The following DAB2IP variants were observed in gnomAD, a reference collection of about 807,000 sequenced individuals.
DAB2IP encodes DAB2 interacting protein, also known as disabled homolog 2-interacting protein.
Under a neutral mutation model 107.2 loss-of-function variants are expected in DAB2IP, and 28 were observed. The ratio of observed to expected loss-of-function variants is 0.26; its 90% CI spans 0.19 to 0.36. The LOEUF is 0.36. DAB2IP is among the 10% of genes least tolerant of loss of function. The probability of loss-of-function intolerance (pLI) is 1.00; values close to 1 mark genes in which losing one functional copy is unlikely to be tolerated. For synonymous variants in DAB2IP, 755 were observed against 706.4 expected (o/e 1.07, Z -1.09); for missense variants, 1,400 against 1,644.7 (o/e 0.85, Z 2.57).
chr9:121,635,907 G>T lies in DAB2IP; in HGVS notation c.41-42771G>T, dbSNP rs1426531615. ...AGTCCCCTGTTTAGATGTCTTTTTT[G>T]GGGGGGGGTCTGGGGGATGGAGTCT... is the stretch of plus-strand genomic sequence containing the variant. On this transcript the variant is annotated intron_variant, in intron 1 of 16. Coordinates refer to the DAB2IP transcript ENST00000259371. The surrounding 1 kb of genome is among the most constrained non-coding windows in gnomAD (Gnocchi z 4.3). Among the ~76,000 whole-genome samples, 30 of 58,516 alleles carry T rather than the reference G, an allele frequency of 5.1e-4. No individual in the cohort carries two copies. The highest frequency in any genetic ancestry group is 7.4e-3 in the Middle Eastern group (1 of 136). The allele number at this position is 58,516 out of a possible 152,430, so 38.4% of individuals were successfully genotyped here.
intron 1 of DAB2IP, among the ~76,000 whole-genome samples, chr9:121,581,943 G>A (rs751109251): frequency 5.9e-5 from 9 of 152,340 alleles, no homozygotes; most frequent in East Asian, 1.9e-4. Flanking sequence ...GCTAGGAAAC[G>A]CCACCAGCAG....
chr9:121,771,090 TC>T (rs1834690817), intron 11 of DAB2IP, among the ~76,000 whole-genome samples: 1 of 152,182 alleles, frequency 6.6e-6, no homozygotes, highest in African/African-American at 2.4e-5. Context: ...ATACACATGT[TC>T]CTGGTATTTC....
chr9:121,762,785 G>A (rs577259619), intron 6 of DAB2IP, among the ~76,000 whole-genome samples: 1 of 152,268 alleles, frequency 6.6e-6, no homozygotes, highest in East Asian at 1.9e-4. Flanking sequence ...TCTGAGGGAG[G>A]GTGTTAGTAT....
At chr9:121,766,780 C>G in intron 9 of DAB2IP, 50 bp downstream of exon 9, 1 of 1,584,344 alleles carries the variant, frequency 6.3e-7, no homozygotes, top group African/African-American at 1.3e-5. Context: ...CTGGTGTCCA[C>G]AGGGCAGGCC....
intron 2 of DAB2IP, among the ~76,000 whole-genome samples, chr9:121,688,850 G>C (rs573180270): frequency 6.6e-6 from 1 of 152,160 alleles, no homozygotes; most frequent in Admixed American, 6.5e-5. Flanking sequence ...AGGGAAGAGG[G>C]TGAGCCGTGA....
At chr9:121,650,923 C>T (rs189529581), upstream of DAB2IP, among the ~76,000 whole-genome samples, 3 of 152,120 alleles carry the variant, frequency 2.0e-5, no homozygotes, top group Non-Finnish European at 4.4e-5. Flanking sequence ...GATGTTTAGA[C>T]GTATTGCCAT....
At chr9:121,583,506 C>T (rs1188913253) in intron 1 of DAB2IP, among the ~76,000 whole-genome samples, 1 of 152,208 alleles carries the variant, frequency 6.6e-6, no homozygotes, top group African/African-American at 2.4e-5. Context: ...ACAGACTGCA[C>T]ACCCTGAGCA....
At chr9:121,781,680 C>A in intron 15 of DAB2IP, 129 bp downstream of exon 15, 1 of 915,496 alleles carries the variant, frequency 1.1e-6, no homozygotes, top group Non-Finnish European at 1.7e-6. Context: ...CAGAATCTGC[C>A]CTGAGAAGTC....
Position 121,754,112 on chromosome 9 carries a change from C to A in DAB2IP, c.363-2901C>A, listed in dbSNP as rs150906483. On this transcript the variant is annotated intron_variant, in intron 3 of 15. Coordinates refer to ENST00000408936, the Ensembl canonical transcript of DAB2IP. ...GCTTCCCAGAGAGGTGGTTCTTGGG[C>A]CTTGAATTGGTCCTGCTGGGTTCAG... 2.0e-5 allele frequency among the ~76,000 whole-genome samples: 3 copies of A among 152,288 alleles called. No individual in the cohort carries two copies. The East Asian group carries it at 5.8e-4, about 29-fold the overall frequency.
intron 3 of DAB2IP, among the ~76,000 whole-genome samples, chr9:121,710,628 A>G (rs1192094198): frequency 6.6e-6 from 1 of 152,158 alleles, no homozygotes; most frequent in East Asian, 1.9e-4. Flanking sequence ...GGCTAGGCTA[A>G]GTGGCCTTCC....
chr9:121,673,689 G>A (rs949903458), intron 1 of DAB2IP, among the ~76,000 whole-genome samples: 10 of 152,170 alleles, frequency 6.6e-5, no homozygotes, highest in African/African-American at 1.2e-4. Flanking sequence ...AGAACCCAGC[G>A]ATCCATGTCT....
At chr9:121,676,632 G>GACACACACACACACACAC (rs1297632685) in intron 1 of DAB2IP, among the ~76,000 whole-genome samples, 3 of 88,436 alleles carry the variant, frequency 3.4e-5, no homozygotes, top group African/African-American at 5.1e-5. Flanking sequence ...GAGTTCTGCA[G>GACACACACACACACACAC]ACGCACACAC....
At position 121,599,090 on chromosome 9, in the gene DAB2IP, C is replaced by A; in HGVS notation, c.40+31862C>A. Among the ~76,000 whole-genome samples the A allele has an allele frequency of 6.6e-6, 1 of 152,190 alleles. No homozygotes were observed. The highest frequency in any genetic ancestry group is 1.9e-4 in the East Asian group (1 of 5,166). On this transcript the variant is annotated intron_variant, in intron 1 of 16. Coordinates refer to the DAB2IP transcript ENST00000259371. The surrounding 1 kb of genome is among the most constrained non-coding windows in gnomAD (Gnocchi z 6.9). ...CGGCTCCTGAGGTTGGAGATCCACG[C>A]AGGGCGCACATAAAAGTTTAAGGGG...
At chr9:121,730,202 T>C (rs969695429) in intron 3 of DAB2IP, among the ~76,000 whole-genome samples, 16 of 152,218 alleles carry the variant, frequency 1.1e-4, no homozygotes, top group African/African-American at 2.9e-4. Context: ...ACAGTAAGCC[T>C]GAAGAACTGT....
At chr9:121,694,705 A>G (rs1159763737) in intron 2 of DAB2IP, among the ~76,000 whole-genome samples, 1 of 151,992 alleles carries the variant, frequency 6.6e-6, no homozygotes, top group Non-Finnish European at 1.5e-5. Context: ...GCTCAGTGAT[A>G]TGATGGAAGC....
chr9:121,624,561 G>T (rs1017956585), intron 1 of DAB2IP, among the ~76,000 whole-genome samples: 4 of 152,178 alleles, frequency 2.6e-5, no homozygotes, highest in Non-Finnish European at 5.9e-5. Flanking sequence ...TATTTTTACT[G>T]TATTTTTCTG....
At chr9:121,601,368 C>T (rs1299495435) in intron 1 of DAB2IP, among the ~76,000 whole-genome samples, 1 of 152,162 alleles carries the variant, frequency 6.6e-6, no homozygotes, top group Non-Finnish European at 1.5e-5. Flanking sequence ...TTGCTAGGAT[C>T]CTCTAGTGAC....
At chr9:121,744,496 G>A (rs746214897) in intron 3 of DAB2IP, among the ~76,000 whole-genome samples, 2 of 152,236 alleles carry the variant, frequency 1.3e-5, no homozygotes, top group Non-Finnish European at 2.9e-5. Flanking sequence ...GGCTGGGGGC[G>A]GATGAGACTG....
chr9:121,707,245 GGACT>G (rs112663857), intron 3 of DAB2IP, among the ~76,000 whole-genome samples: 4,839 of 152,272 alleles, frequency 0.032, 247 homozygotes, highest in African/African-American at 0.11. Flanking sequence ...TAAGAGGGAT[GGACT>G]GACTGGTGGG....
Sources: allele counts gnomAD v4.1 joint callset (sites outside exome capture counted in the v4.1 genomes callset), GRCh38; gene constraint gnomAD v4.1.1; non-coding constraint Gnocchi (gnomAD v3.1); transcripts MANE v1.5; gene names NCBI Gene and HGNC (gene_info 2026-07-23, HGNC 2026-07-21).